Variants in SEMA3A observed in about 807,000 individuals in gnomAD.
SEMA3A encodes semaphorin-3A.
Under a neutral mutation model 97.9 loss-of-function variants are expected in SEMA3A, and 29 were observed. The observed-to-expected ratio is 0.30, with a 90% CI of 0.22 to 0.40. SEMA3A has a LOEUF of 0.40. SEMA3A is among the 10% of genes least tolerant of loss of function. SEMA3A has a pLI of 1.00. For synonymous variants in SEMA3A, 321 were observed against 323.7 expected (o/e 0.99, Z 0.09); for missense variants, 763 against 951.3 (o/e 0.80, Z 2.60).
chr7:84,348,916 G>A (rs1562913781), intron 2 of SEMA3A, among the ~76,000 whole-genome samples: 1 of 151,974 alleles, frequency 6.6e-6, no homozygotes, highest in Non-Finnish European at 1.5e-5. Flanking sequence ...ACCGGGTGGC[G>A]GAGGTTGAAG....
At chr7:83,962,547 T>A (rs1268014881) in intron 16 of SEMA3A, among the ~76,000 whole-genome samples, 2 of 152,224 alleles carry the variant, frequency 1.3e-5, no homozygotes, top group South Asian at 4.1e-4. Context: ...ATCGTCTGCA[T>A]ATAATACATT....
chr7:84,097,875 A>T (rs1794824233), intron 4 of SEMA3A, among the ~76,000 whole-genome samples: 3 of 152,210 alleles, frequency 2.0e-5, no homozygotes, highest in East Asian at 1.9e-4. Flanking sequence ...TGATTAAAGG[A>T]TGACCCTTCA....
chr7:84,298,465 G>A (rs1331097940), intron 3 of SEMA3A, among the ~76,000 whole-genome samples: 1 of 152,070 alleles, frequency 6.6e-6, no homozygotes, highest in Non-Finnish European at 1.5e-5. Context: ...GGGGAATAAT[G>A]GATTCACATA....
chr7:84,099,480 C>G lies in SEMA3A; in HGVS notation c.453+10990G>C, dbSNP rs184604373. On this transcript the variant is annotated intron_variant, in intron 4 of 16. Coordinates refer to ENST00000265362, the MANE Select transcript of SEMA3A (RefSeq NM_006080.3). ...TGGAGAAACTCTCCTTTGTGATATG[C>G]TATCAATGCAAAACTCACATAACTT... 3.9e-5 allele frequency among the ~76,000 whole-genome samples: 6 copies of G among 152,202 alleles called. No individual in the cohort carries two copies. In the East Asian group the frequency reaches 9.7e-4, roughly 25 times the overall value.
At chr7:84,431,621 A>G (rs993981051) in intron 1 of SEMA3A, among the ~76,000 whole-genome samples, 1 of 145,836 alleles carries the variant, frequency 6.9e-6, no homozygotes, top group African/African-American at 2.5e-5. Context: ...TAAAAATCAG[A>G]GTTTTTTTTT....
intron 1 of SEMA3A, among the ~76,000 whole-genome samples, chr7:84,151,769 T>C (rs1796679501): frequency 6.6e-6 from 1 of 151,772 alleles, no homozygotes; most frequent in Non-Finnish European, 1.5e-5. Context: ...ACCTACAAAA[T>C]GGGAGAAAAT....
intron 3 of SEMA3A, among the ~76,000 whole-genome samples, chr7:84,295,427 C>T (rs1800845051): frequency 1.3e-5 from 2 of 151,930 alleles, no homozygotes; most frequent in Admixed American, 6.6e-5. Flanking sequence ...CAAAAGAATA[C>T]ATTTTTAAGT....
intron 12 of SEMA3A, among the ~76,000 whole-genome samples, chr7:83,995,347 A>G (rs747717204): frequency 6.6e-6 from 1 of 152,034 alleles, no homozygotes; most frequent in Non-Finnish European, 1.5e-5. Flanking sequence ...TCCCCCCAAT[A>G]AAAATTATTT....
intron 3 of SEMA3A, among the ~76,000 whole-genome samples, chr7:84,116,184 G>A (rs528279312): frequency 6.6e-6 from 1 of 152,194 alleles, no homozygotes; most frequent in East Asian, 1.9e-4. Flanking sequence ...AAGTACTGAA[G>A]TCTGTTTTAT....
Position 84,129,401 on chromosome 7 carries a change from T to C in SEMA3A, c.271-216A>G, listed in dbSNP as rs546783866. On this transcript the variant is annotated intron_variant, in intron 2 of 16. Transcript: ENST00000265362. The stretch of plus-strand genomic sequence containing the variant: ...CATCTACCCAATAGCCTTTGCTATA[T>C]ATAAAAGTTGAGCAAGAGAGAAACT... 2.6e-5 allele frequency among the ~76,000 whole-genome samples: 4 copies of C among 152,308 alleles called. No homozygotes were observed. The South Asian group carries it at 8.3e-4, about 32-fold the overall frequency.
At chr7:84,162,338 G>A (rs1172381313) in intron 1 of SEMA3A, among the ~76,000 whole-genome samples, 1 of 152,092 alleles carries the variant, frequency 6.6e-6, no homozygotes, top group Non-Finnish European at 1.5e-5. Flanking sequence ...ATGTAAATGT[G>A]CAAAGGGTGA....
rs950561108 is a variant in SEMA3A at position 84,099,607 on chromosome 7, T to C, written c.453+10863A>G. ...AATTAAATGTGCATGAACCACAATA[T>C]GCTATAAAACAAGTTTGACTAATTC... On this transcript the variant is annotated intron_variant, in intron 4 of 16. Coordinates refer to ENST00000265362, the MANE Select transcript of SEMA3A (RefSeq NM_006080.3). Among the ~76,000 whole-genome samples, 43 of 152,150 alleles carry C rather than the reference T, an allele frequency of 2.8e-4. 1 individual carries two copies. The highest frequency in any genetic ancestry group is 9.2e-4 in the African/African-American group (38 of 41,440).
intron 6 of SEMA3A, among the ~76,000 whole-genome samples, chr7:84,030,658 A>G (rs1221581286): frequency 1.4e-5 from 2 of 138,298 alleles, no homozygotes; most frequent in Non-Finnish European, 2.9e-5. Flanking sequence ...ATATACACAT[A>G]TATGTTTTTG....
At chr7:84,030,977 T>C (rs567460137) in intron 6 of SEMA3A, among the ~76,000 whole-genome samples, 1 of 150,242 alleles carries the variant, frequency 6.7e-6, no homozygotes, top group South Asian at 2.1e-4. Flanking sequence ...CTAGTGTTAC[T>C]TTTGGTCAAG....
upstream of SEMA3A, among the ~76,000 whole-genome samples, chr7:84,195,903 C>T (rs913121144): frequency 5.3e-5 from 8 of 152,048 alleles, no homozygotes; most frequent in African/African-American, 1.2e-4. Context: ...TTCTGTGGGA[C>T]GTATAGGCAT....
intron 3 of SEMA3A, among the ~76,000 whole-genome samples, chr7:84,263,805 T>C (rs993874324): frequency 2.6e-5 from 4 of 152,184 alleles, no homozygotes; most frequent in South Asian, 4.1e-4. Context: ...GTATACATGA[T>C]AATCATATAA....
In SEMA3A at chr7:84,225,632, AT is replaced by A. The variant is rs1798972923; in HGVS notation, c.-82-30965del. 2.6e-5 allele frequency among the ~76,000 whole-genome samples: 4 copies of A among 152,084 alleles called. No individual in the cohort carries two copies. The South Asian group carries it at 8.3e-4, about 31-fold the overall frequency. On this transcript the variant is annotated intron_variant, in intron 3 of 3. Coordinates refer to the SEMA3A transcript ENST00000424555. Reference sequence around the variant, plus strand: ...TCTTAAATCTTGTGCAACATATTCAATGTGTTTGCCTGCATCAATCACCCCG... The same window carrying A: ...TCTTAAATCTTGTGCAACATATTCAAGTGTTTGCCTGCATCAATCACCCCG...
intron 1 of SEMA3A, among the ~76,000 whole-genome samples, chr7:84,146,291 G>A (rs1426991326): frequency 2.0e-5 from 3 of 151,998 alleles, no homozygotes; most frequent in Non-Finnish European, 4.4e-5. Context: ...AGATCTAGAG[G>A]GATCTTTAGA....
At chr7:84,248,841 C>T (rs1252216344) in intron 3 of SEMA3A, among the ~76,000 whole-genome samples, 2 of 151,926 alleles carry the variant, frequency 1.3e-5, no homozygotes, top group African/African-American at 4.8e-5. Flanking sequence ...ACATAATAGC[C>T]CAGCGTTCCC....
Sources: gnomAD v4.1 joint callset for allele counts (sites outside exome capture counted in the v4.1 genomes callset) on GRCh38, gnomAD v4.1.1 for gene constraint, MANE v1.5 for transcripts, NCBI Gene and HGNC (gene_info 2026-07-23, HGNC 2026-07-21) for gene names.